RYR2: variants seen among roughly 807,000 people sequenced by gnomAD.
RYR2 encodes the protein ryanodine receptor 2, also known as cardiac muscle ryanodine receptor-calcium release channel.
RYR2 carries 227 observed loss-of-function variants against 601.1 expected under a neutral mutation model. The observed-to-expected ratio is 0.38, with a 90% CI of 0.34 to 0.42. RYR2 has a LOEUF of 0.42. Among genes scored for constraint, RYR2 ranks in the 10% least tolerant of loss-of-function variants. The probability of loss-of-function intolerance (pLI) is 1.00; values close to 1 mark genes in which losing one functional copy is unlikely to be tolerated. For synonymous variants in RYR2, 2,223 were observed against 2,175.1 expected, an observed-to-expected ratio of 1.02 and a Z score of -0.61; for missense variants, 4,646 against 6,156.5, an observed-to-expected ratio of 0.75 and a Z score of 8.21.
At chr1:237,647,876 G>A (rs1373582155) in intron 48 of RYR2, among the ~76,000 whole-genome samples, 3 of 152,172 alleles carry the variant, frequency 2.0e-5, no homozygotes, top group East Asian at 1.9e-4. Context: ...TAGGCATAAA[G>A]CTTTAAGTGT....
chr1:237,323,021 A>G (rs1320065200), intron 2 of RYR2, among the ~76,000 whole-genome samples: 1 of 152,136 alleles, frequency 6.6e-6, no homozygotes, highest in Non-Finnish European at 1.5e-5. Context: ...AAACATCTCT[A>G]AACTCTGAAT....
In RYR2 at chr1:237,291,191, G is replaced by A. The variant is rs113175166; in HGVS notation, c.168+20575G>A. ...TGGGCTCATGAAAACATGCACATAC[G>A]TATTCATGTCAATGTTATTTTTTGT... is the stretch of plus-strand genomic sequence containing the variant. On this transcript the variant is annotated intron_variant, in intron 2 of 104. Transcript: ENST00000366574. Among the ~76,000 whole-genome samples, 1,171 of 152,096 alleles carry A rather than the reference G, an allele frequency of 7.7e-3. 16 individuals carry two copies. Among genetic ancestry groups the A allele is most frequent in the African/African-American group, 0.027 (1,103 of 41,494 alleles).
chr1:237,147,080 T>G (rs572118315), intron 1 of RYR2, among the ~76,000 whole-genome samples: 1 of 152,146 alleles, frequency 6.6e-6, no homozygotes, highest in African/African-American at 2.4e-5. Flanking sequence ...ACAATAGATA[T>G]CTCATTATCT....
At chr1:237,626,605 T>TTA (rs1679699638) in intron 40 of RYR2, among the ~76,000 whole-genome samples, 1 of 134,118 alleles carries the variant, frequency 7.5e-6, no homozygotes. Flanking sequence ...TTTTTTTTTT[T>TTA]TTTTTTGAGA....
intron 1 of RYR2, among the ~76,000 whole-genome samples, chr1:237,184,962 C>A (rs962152523): frequency 6.6e-6 from 1 of 151,420 alleles, no homozygotes; most frequent in East Asian, 1.9e-4. Context: ...CTCAAACTCT[C>A]AGGCTCAAGC....
At chr1:237,305,111 G>A (rs1299218931) in intron 2 of RYR2, among the ~76,000 whole-genome samples, 6 of 152,116 alleles carry the variant, frequency 3.9e-5, no homozygotes, top group African/African-American at 1.2e-4. Context: ...TTGAAGATAC[G>A]CGTATATTGT....
chr1:237,384,652 T>A (rs981190854), intron 8 of RYR2, among the ~76,000 whole-genome samples: 2 of 152,196 alleles, frequency 1.3e-5, no homozygotes, highest in African/African-American at 4.8e-5. Context: ...ACATTACTAA[T>A]CTACATACTC....
At chr1:237,290,137 A>G (rs1558564715) in intron 2 of RYR2, among the ~76,000 whole-genome samples, 1 of 152,232 alleles carries the variant, frequency 6.6e-6, no homozygotes, top group Non-Finnish European at 1.5e-5. Flanking sequence ...AAATGAAATG[A>G]CCAAAAGTGT....
intron 1 of RYR2, among the ~76,000 whole-genome samples, chr1:237,153,298 C>T (rs571258698): frequency 6.8e-4 from 104 of 152,252 alleles, no homozygotes; most frequent in Non-Finnish European, 1.3e-3. Context: ...AGTTGAGTAA[C>T]TTGTGGCTTT....
chr1:237,454,269 T>C, intron 14 of RYR2, 122 bp from the exon 15 acceptor site: 1 of 970,448 alleles, frequency 1.0e-6, no homozygotes, highest in Non-Finnish European at 1.5e-6. Flanking sequence ...GGAGGACCTT[T>C]CTGACATGTC....
At chr1:237,809,106 T>C in intron 100 of RYR2, 71 bp downstream of exon 100, 1 of 1,354,536 alleles carries the variant, frequency 7.4e-7, no homozygotes, top group Non-Finnish European at 1.0e-6. Flanking sequence ...TAATTGTGTA[T>C]TTATTCTCTA....
chr1:237,471,082 CTGCTCCACCCTAATCTTA>C (rs1267770478), intron 17 of RYR2: 1 of 154,488 alleles, frequency 6.5e-6, no homozygotes, highest in African/African-American at 2.4e-5. Flanking sequence ...GGAAGGCTGG[CTGCTCCACCCTAATCTTA>C]TGCAAACAGG....
At chr1:237,356,512 C>T (rs1471380282) in intron 4 of RYR2, among the ~76,000 whole-genome samples, 1 of 151,794 alleles carries the variant, frequency 6.6e-6, no homozygotes, top group Non-Finnish European at 1.5e-5. Context: ...GATCCTTCTG[C>T]CTCAGCCTCC....
At chr1:237,795,483 A>C (rs1658994750) in intron 96 of RYR2, among the ~76,000 whole-genome samples, 152 bp downstream of exon 96, 1 of 150,594 alleles carries the variant, frequency 6.6e-6, no homozygotes. Context: ...ATGGAGTCTC[A>C]CTCCGTCACC....
intron 2 of RYR2, among the ~76,000 whole-genome samples, chr1:237,303,960 A>C (rs1480455741): frequency 6.6e-6 from 1 of 152,046 alleles, no homozygotes. Flanking sequence ...TTTTTGTGTA[A>C]ATTTTCTGTC....
At chr1:237,358,808 GT>G (rs1313293540) in intron 4 of RYR2, among the ~76,000 whole-genome samples, 12 of 152,200 alleles carry the variant, frequency 7.9e-5, no homozygotes, top group Admixed American at 7.9e-4. Flanking sequence ...GGGATATCAG[GT>G]ATCCCTGAAG....
intron 82 of RYR2, among the ~76,000 whole-genome samples, chr1:237,758,001 C>T (rs1693098292): frequency 6.6e-6 from 1 of 152,098 alleles, no homozygotes; most frequent in South Asian, 2.1e-4. Flanking sequence ...CAAGTGTGAC[C>T]TTTTATCATG....
intron 14 of RYR2, among the ~76,000 whole-genome samples, chr1:237,449,790 T>G (rs1286658019): frequency 1.3e-5 from 2 of 152,006 alleles, no homozygotes; most frequent in African/African-American, 4.8e-5. Flanking sequence ...CTAATTTTAC[T>G]CCCTATTGAT....
At chr1:237,047,096 G>A (rs1660688082) in intron 1 of RYR2, among the ~76,000 whole-genome samples, 1 of 152,146 alleles carries the variant, frequency 6.6e-6, no homozygotes, top group Admixed American at 6.5e-5. Context: ...AAATGACTTG[G>A]CCCAGTGTCA....
Sources: allele counts gnomAD v4.1 joint callset (sites outside exome capture counted in the v4.1 genomes callset), GRCh38; gene constraint gnomAD v4.1.1; transcripts MANE v1.5; gene names NCBI Gene and HGNC (gene_info 2026-07-23, HGNC 2026-07-21).